The following FCHSD2 variants were observed in gnomAD, a reference collection of about 807,000 sequenced individuals.
FCHSD2 encodes F-BAR and double SH3 domains protein 2.
FCHSD2 carries 38 observed loss-of-function variants against 108.1 expected under a neutral mutation model. That is an observed-to-expected ratio of 0.35 (90% CI 0.27 to 0.46). The LOEUF is 0.46. Ranked by LOEUF, FCHSD2 falls within the 20% of genes least tolerant of loss-of-function variation. FCHSD2 has a pLI of 1.00. For missense variants in FCHSD2, 751 were observed against 897.8 expected (o/e 0.84, Z 2.09); for synonymous variants, 279 against 314.7 (o/e 0.89, Z 1.20).
chr11:73,056,507 T>C (rs1412989587), intron 3 of FCHSD2, among the ~76,000 whole-genome samples: 2 of 152,226 alleles, frequency 1.3e-5, no homozygotes, highest in African/African-American at 2.4e-5. Flanking sequence ...ATTTGTCTCT[T>C]CAACTTTGCT....
intron 18 of FCHSD2, 61 bp downstream of exon 18, chr11:72,841,393 G>A (rs1422004947): frequency 6.6e-7 from 1 of 1,505,310 alleles, no homozygotes; most frequent in East Asian, 2.3e-5. Flanking sequence ...TGCCCTTCAG[G>A]CGAATATGTA....
intron 2 of FCHSD2, among the ~76,000 whole-genome samples, chr11:73,129,795 G>A (rs1214263697): frequency 6.6e-6 from 1 of 151,898 alleles, no homozygotes; most frequent in Non-Finnish European, 1.5e-5. Flanking sequence ...GCCAAAAAGG[G>A]TTGGGGACCA....
chr11:72,866,372 C>T (rs1182783670), intron 13 of FCHSD2, among the ~76,000 whole-genome samples: 2 of 152,068 alleles, frequency 1.3e-5, no homozygotes, highest in Non-Finnish European at 2.9e-5. Context: ...CGGGTTCAAG[C>T]GATTCTTCTG....
At chr11:72,920,678 C>G (rs193104091) in intron 9 of FCHSD2, among the ~76,000 whole-genome samples, 2 of 152,142 alleles carry the variant, frequency 1.3e-5, no homozygotes, top group East Asian at 3.8e-4. Context: ...CCCCAACATT[C>G]TTTTCTGAAA....
chr11:72,887,961 T>C (rs1174156214), intron 11 of FCHSD2, among the ~76,000 whole-genome samples: 1 of 152,168 alleles, frequency 6.6e-6, no homozygotes, highest in African/African-American at 2.4e-5. Context: ...GAGACACCTG[T>C]GAGATAGTGA....
intron 8 of FCHSD2, among the ~76,000 whole-genome samples, chr11:72,957,731 T>A (rs1856742092): frequency 6.6e-6 from 1 of 151,590 alleles, no homozygotes; most frequent in African/African-American, 2.4e-5. Flanking sequence ...AATTCTGGAG[T>A]ATTGAGAGGT....
intron 4 of FCHSD2, among the ~76,000 whole-genome samples, chr11:73,007,836 G>A (rs956492383): frequency 1.5e-4 from 23 of 152,294 alleles, no homozygotes; most frequent in African/African-American, 5.5e-4. Context: ...TCTTGGTTGT[G>A]ATATTGTACT....
At chr11:73,139,715 G>A (rs567043121) in intron 2 of FCHSD2, among the ~76,000 whole-genome samples, 1 of 152,078 alleles carries the variant, frequency 6.6e-6, no homozygotes, top group Non-Finnish European at 1.5e-5. Flanking sequence ...AAACCGTTAA[G>A]GTCAATAAAA....
At chr11:73,083,793 G>T in intron 2 of FCHSD2, 53 bp from the exon 3 acceptor site, 1 of 1,157,832 alleles carries the variant, frequency 8.6e-7, no homozygotes, top group Non-Finnish European at 1.3e-6. Flanking sequence ...ATAATTTAAT[G>T]TAAATCTATC....
chr11:72,905,316 T>A (rs530655072), intron 9 of FCHSD2, among the ~76,000 whole-genome samples: 4 of 152,342 alleles, frequency 2.6e-5, no homozygotes, highest in African/African-American at 9.6e-5. Context: ...GTATTTATAT[T>A]TATGGGGTAC....
chr11:72,888,046 T>C (rs1855235477), intron 11 of FCHSD2, among the ~76,000 whole-genome samples: 1 of 152,198 alleles, frequency 6.6e-6, no homozygotes, highest in African/African-American at 2.4e-5. Context: ...AAGATGTTAA[T>C]TTATGATTTG....
At chr11:72,875,227 C>T (rs1854943651) in intron 12 of FCHSD2, among the ~76,000 whole-genome samples, 1 of 151,994 alleles carries the variant, frequency 6.6e-6, no homozygotes, top group African/African-American at 2.4e-5. Flanking sequence ...ATAGTATTTG[C>T]TACTCCATCT....
intron 2 of FCHSD2, among the ~76,000 whole-genome samples, chr11:73,104,218 T>C (rs1860288054): frequency 6.6e-6 from 1 of 152,248 alleles, no homozygotes; most frequent in Non-Finnish European, 1.5e-5. Context: ...AAATAGCACA[T>C]ATAGTATCAT....
chr11:72,857,507 C>T (rs1463685385), intron 13 of FCHSD2, among the ~76,000 whole-genome samples: 3 of 140,882 alleles, frequency 2.1e-5, no homozygotes, highest in Non-Finnish European at 4.5e-5. Flanking sequence ...GGTGTGATCT[C>T]GGCTCATTGC....
intron 8 of FCHSD2, among the ~76,000 whole-genome samples, chr11:72,949,490 A>G (rs762831995): frequency 8.6e-5 from 13 of 151,984 alleles, no homozygotes; most frequent in Non-Finnish European, 1.6e-4. Flanking sequence ...AAGAAAAAGA[A>G]AAGAAAAGAA....
At chr11:73,053,383 TGA>T in intron 3 of FCHSD2, among the ~76,000 whole-genome samples, 1 of 152,240 alleles carries the variant, frequency 6.6e-6, no homozygotes, top group African/African-American at 2.4e-5. Context: ...TGACTACTAA[TGA>T]AAGATAGAAA....
At chr11:73,109,406 T>C (rs1860429071) in intron 2 of FCHSD2, among the ~76,000 whole-genome samples, 1 of 152,328 alleles carries the variant, frequency 6.6e-6, no homozygotes, top group South Asian at 2.1e-4. Context: ...CTTTCATCAA[T>C]GTTTTATAGT....
chr11:73,095,408 A>C (rs1412368289), intron 2 of FCHSD2, among the ~76,000 whole-genome samples: 2 of 152,234 alleles, frequency 1.3e-5, no homozygotes, highest in Admixed American at 1.3e-4. Flanking sequence ...TGTGCAAAAC[A>C]CTAACGAAAA....
Position 73,006,073 on chromosome 11 carries a change from ATTT to A in FCHSD2, c.243-4942_243-4940del, listed in dbSNP as rs575155020. Among the ~76,000 whole-genome samples, 4 of 147,380 alleles carry A rather than the reference ATTT, an allele frequency of 2.7e-5. 1 individual carries two copies. The highest frequency in any genetic ancestry group is 9.9e-5 in the African/African-American group (4 of 40,290). ...CAGGCATGAGCCACTGCATGTGGCTATTTTTTTTTTTAAATAAAAATAGTATCT... is the reference window on the plus strand; with the variant it reads ...CAGGCATGAGCCACTGCATGTGGCTATTTTTTTTAAATAAAAATAGTATCT... On this transcript the variant is annotated intron_variant, in intron 4 of 19. Transcript: ENST00000409418.
Sources: allele counts gnomAD v4.1 joint callset (sites outside exome capture counted in the v4.1 genomes callset), GRCh38; gene constraint gnomAD v4.1.1; transcripts MANE v1.5; gene names NCBI Gene and HGNC (gene_info 2026-07-23, HGNC 2026-07-21).